CSMD1: variants seen among roughly 807,000 people sequenced by gnomAD.
CSMD1 encodes the protein CUB and Sushi multiple domains 1, also known as CUB and sushi domain-containing protein 1.
Under a neutral mutation model 417.5 loss-of-function variants are expected in CSMD1, and 213 were observed. The observed-to-expected ratio is 0.51, with a 90% CI of 0.46 to 0.57. The LOEUF is 0.57. CSMD1 is among the 20% of genes least tolerant of loss of function. CSMD1 has a pLI of 0.00. For synonymous variants in CSMD1, 2,862 were observed against 1,736.8 expected (o/e 1.65, Z -16.11); for missense variants, 6,923 against 4,529.7 (o/e 1.53, Z -15.17).
rs1487611671 is a variant in CSMD1 at position 2,973,099 on chromosome 8, A to AG, written c.8923+17dup. 3.5e-5 allele frequency: 56 copies of AG among 1,609,714 alleles called. No individual in the cohort carries two copies. Among genetic ancestry groups the AG allele is most frequent in the Non-Finnish European group, 4.8e-5 (56 of 1,178,088 alleles). On this transcript the variant is annotated intron_variant, in intron 57 of 69. Transcript: ENST00000635120. Reference sequence around the variant, plus strand: ...GTTTTAACTTTCAAGGTGGACCTTAAGGCTTCTGGCTACTCACCCTCACAC... The same window carrying AG: ...GTTTTAACTTTCAAGGTGGACCTTAAGGGCTTCTGGCTACTCACCCTCACAC...
At chr8:3,378,418 T>C (rs999659430) in intron 18 of CSMD1, among the ~76,000 whole-genome samples, 3 of 152,144 alleles carry the variant, frequency 2.0e-5, no homozygotes, top group Non-Finnish European at 2.9e-5. Context: ...ATCATCCTGA[T>C]ACCAAAACCT....
intron 25 of CSMD1, among the ~76,000 whole-genome samples, chr8:3,296,687 A>C (rs1403378658): frequency 1.3e-5 from 2 of 152,100 alleles, no homozygotes; most frequent in Admixed American, 1.3e-4. Flanking sequence ...ATACGTTTTG[A>C]AGGGAGAGAA....
intron 2 of CSMD1, among the ~76,000 whole-genome samples, chr8:4,447,472 T>G (rs1012345444): frequency 6.6e-6 from 1 of 152,220 alleles, no homozygotes; most frequent in African/African-American, 2.4e-5. Context: ...TCATAGACAG[T>G]AAACAAAATC....
intron 7 of CSMD1, among the ~76,000 whole-genome samples, chr8:3,692,794 G>A (rs575735671): frequency 6.6e-6 from 1 of 152,242 alleles, no homozygotes; most frequent in East Asian, 1.9e-4. Flanking sequence ...AGGCTATTCT[G>A]AGACCTCTGG....
intron 5 of CSMD1, among the ~76,000 whole-genome samples, chr8:3,979,512 G>T (rs75712851): frequency 6.6e-6 from 1 of 152,170 alleles, no homozygotes; most frequent in Non-Finnish European, 1.5e-5. Flanking sequence ...TTCATATACA[G>T]AAGCTGTAAC....
chr8:3,326,818 A>G (rs1430416938), intron 23 of CSMD1, among the ~76,000 whole-genome samples: 1 of 152,182 alleles, frequency 6.6e-6, no homozygotes, highest in African/African-American at 2.4e-5. Context: ...TTCTTATAGC[A>G]GAAGTGTAAA....
At chr8:3,909,215 T>C (rs144656125) in intron 5 of CSMD1, among the ~76,000 whole-genome samples, 25 of 152,154 alleles carry the variant, frequency 1.6e-4, no homozygotes, top group Admixed American at 1.3e-4. Context: ...GAGACAGTTA[T>C]CCTCTCAACC....
intron 57 of CSMD1, among the ~76,000 whole-genome samples, chr8:2,968,928 G>C (rs986521732): frequency 1.3e-5 from 2 of 151,882 alleles, no homozygotes; most frequent in South Asian, 4.1e-4. Context: ...CTTTAACTCA[G>C]CATATAATAA....
At chr8:4,459,239 C>A (rs1737916785) in intron 2 of CSMD1, among the ~76,000 whole-genome samples, 1 of 152,184 alleles carries the variant, frequency 6.6e-6, no homozygotes, top group Non-Finnish European at 1.5e-5. Context: ...ATGGGAGGCT[C>A]AACTCCAGAA....
intron 1 of CSMD1, among the ~76,000 whole-genome samples, chr8:4,949,143 C>A (rs74677292): frequency 6.6e-6 from 1 of 151,904 alleles, no homozygotes; most frequent in East Asian, 1.9e-4. Flanking sequence ...GTTAAACTGC[C>A]TTTGTATTCT....
intron 3 of CSMD1, among the ~76,000 whole-genome samples, chr8:4,194,234 G>A (rs977991994): frequency 2.6e-5 from 4 of 152,106 alleles, no homozygotes; most frequent in African/African-American, 7.3e-5. Context: ...CAACACTGCT[G>A]CTTTTAACAC....
intron 1 of CSMD1, among the ~76,000 whole-genome samples, chr8:4,775,231 G>A (rs1796789758): frequency 6.6e-6 from 1 of 152,006 alleles, no homozygotes; most frequent in Admixed American, 6.6e-5. Flanking sequence ...ACTAAAATAG[G>A]AAAAATAGAG....
chr8:4,303,004 C>T (rs960068355), intron 3 of CSMD1, among the ~76,000 whole-genome samples: 9 of 151,814 alleles, frequency 5.9e-5, no homozygotes, highest in African/African-American at 2.2e-4. Flanking sequence ...GACACAAAAT[C>T]CAAGAAAATC....
chr8:3,284,522 G>A, intron 25 of CSMD1, 176 bp from the exon 26 acceptor site: 1 of 610,222 alleles, frequency 1.6e-6, no homozygotes, highest in Non-Finnish European at 2.9e-6. Flanking sequence ...GATAATTCAG[G>A]AGTGTAAATT....
rs533888515 is a variant in CSMD1, at chr8:4,800,004, G to C, written c.86-162446C>G. On this transcript the variant is annotated intron_variant, in intron 1 of 69. Transcript: ENST00000635120. ...TTCTAACATAAGAAAAGTTTGTAAA[G>C]ACATCAATCAAAATACAGTAATTAT... 6.8e-4 allele frequency among the ~76,000 whole-genome samples: 104 copies of C among 152,228 alleles called. No homozygotes were observed. In the Middle Eastern group the frequency reaches 0.01, roughly 15 times the overall value.
At position 3,074,571 on chromosome 8, in the gene CSMD1, T is replaced by C. The variant is rs114325419; in HGVS notation, c.7474+12526A>G. Among the ~76,000 whole-genome samples the C allele has an allele frequency of 7.4e-3, 1,122 of 152,360 alleles. 15 individuals carry two copies. Among genetic ancestry groups the C allele is most frequent in the African/African-American group, 0.025 (1,051 of 41,584 alleles). On this transcript the variant is annotated intron_variant, in intron 49 of 69. Transcript: ENST00000635120. ...TTTGACAAGATAACCCAATATGTCA[T>C]CTGTTCATTGCCTGTATTTCACTTT...
intron 1 of CSMD1, among the ~76,000 whole-genome samples, chr8:4,808,698 C>G (rs1444767775): frequency 6.6e-6 from 1 of 152,190 alleles, no homozygotes; most frequent in Non-Finnish European, 1.5e-5. Flanking sequence ...TAAAAATCTA[C>G]TGTCGCTTGA....
intron 5 of CSMD1, among the ~76,000 whole-genome samples, chr8:3,913,853 CTGTG>C (rs947622173): frequency 6.6e-6 from 1 of 151,706 alleles, no homozygotes; most frequent in Non-Finnish European, 1.5e-5. Context: ...CTTGACTTTC[CTGTG>C]TGTGTATATA....
intron 57 of CSMD1, among the ~76,000 whole-genome samples, chr8:2,967,665 T>C (rs893455253): frequency 6.6e-6 from 1 of 152,188 alleles, no homozygotes; most frequent in Non-Finnish European, 1.5e-5. Flanking sequence ...CAAGAATATA[T>C]ATCATGAGAC....
Sources: gnomAD v4.1 joint callset for allele counts (sites outside exome capture counted in the v4.1 genomes callset) on GRCh38, gnomAD v4.1.1 for gene constraint, MANE v1.5 for transcripts, NCBI Gene and HGNC (gene_info 2026-07-23, HGNC 2026-07-21) for gene names.